GNPTAB: variants seen among roughly 807,000 people sequenced by gnomAD.
GNPTAB encodes N-acetylglucosamine-1-phosphotransferase subunits alpha/beta.
Under a neutral mutation model 136.6 loss-of-function variants are expected in GNPTAB, and 92 were observed. The observed-to-expected ratio is 0.67, with a 90% CI of 0.57 to 0.80. The LOEUF (loss-of-function observed/expected upper bound fraction) is 0.80, where lower values mean the gene tolerates loss of function less well. Among genes scored for constraint, GNPTAB ranks in the 30% least tolerant of loss-of-function variants. The pLI, the probability that GNPTAB is intolerant of heterozygous loss-of-function variation, is 0.00. For synonymous variants in GNPTAB, 512 were observed against 535.1 expected (o/e 0.96, Z 0.60); for missense variants, 1,343 against 1,501.8 (o/e 0.89, Z 1.75).
chr12:101,768,257 T>C, intron 10 of GNPTAB, 97 bp from the exon 11 acceptor site: 2 of 1,386,260 alleles, frequency 1.4e-6, no homozygotes, highest in South Asian at 1.2e-5. Flanking sequence ...ATTAAGTCTC[T>C]AGAAAGATTA....
intron 1 of GNPTAB, among the ~76,000 whole-genome samples, chr12:101,814,376 T>C (rs150029854): frequency 6.6e-6 from 1 of 152,128 alleles, no homozygotes; most frequent in South Asian, 2.1e-4. Flanking sequence ...ATCTACTGTA[T>C]TAAAATTAAA....
chr12:101,773,303 C>A, intron 7 of GNPTAB: 2 of 238,628 alleles, frequency 8.4e-6, no homozygotes, highest in South Asian at 9.4e-5. Context: ...TGGTACTTCA[C>A]CCCCCATGCT....
rs766504531 is a variant in GNPTAB at position 101,770,101 on chromosome 12, A to G, written c.1204T>C (p.Phe402Leu). The G allele has an allele frequency of 6.2e-7, 1 of 1,614,090 alleles. No individual in the cohort carries two copies. Among genetic ancestry groups the G allele is most frequent in the South Asian group, 1.1e-5 (1 of 91,084 alleles). Residue 402 changes from phenylalanine to leucine, a missense_variant, in exon 10 of 21, where the codon TTT (phenylalanine) becomes CTT (leucine). Phe to Leu is a conservative substitution (Grantham distance 22). Transcript: ENST00000299314. Reference protein sequence around the residue: ...IHRIEGLSQKFIYLNDDVMFG... With the variant: ...IHRIEGLSQKLIYLNDDVMFG... ...ATGACATCATCATTTAGGTAAATAA[A>G]CTTCTGGGACAGCCCTTCGATGCGA...
At chr12:101,781,248 G>T (rs1420412356) in intron 5 of GNPTAB, among the ~76,000 whole-genome samples, 1 of 152,170 alleles carries the variant, frequency 6.6e-6, no homozygotes, top group Non-Finnish European at 1.5e-5. Context: ...GACATTCAGG[G>T]ATTGTGGAAA....
At chr12:101,761,466 A>T in intron 14 of GNPTAB, 98 bp downstream of exon 14, 1 of 1,429,544 alleles carries the variant, frequency 7.0e-7, no homozygotes, top group South Asian at 1.1e-5. Context: ...ATTAGTCATC[A>T]AATATTAGAG....
At chr12:101,756,471 G>T in intron 18 of GNPTAB, 1 of 397,236 alleles carries the variant, frequency 2.5e-6, no homozygotes, top group Non-Finnish European at 4.9e-6. Context: ...CTAGTCAGGA[G>T]GCTGAGGTGG....
chr12:101,777,814 C>T (rs991811487), intron 7 of GNPTAB, among the ~76,000 whole-genome samples: 2 of 152,178 alleles, frequency 1.3e-5, no homozygotes, highest in African/African-American at 2.4e-5. Flanking sequence ...GCTGACACTG[C>T]GTCTGTTCTT....
intron 19 of GNPTAB, among the ~76,000 whole-genome samples, chr12:101,749,830 G>C (rs73392457): frequency 0.011 from 1,712 of 152,318 alleles, 42 homozygotes; most frequent in African/African-American, 0.039. Flanking sequence ...GCGGCAGCAT[G>C]GGGGGAACTA....
chr12:101,796,732 G>A lies in GNPTAB; in HGVS notation c.148C>T (p.His50Tyr), dbSNP rs1869315769. 6.2e-7 allele frequency: 1 copy of A among 1,612,838 alleles called. No homozygotes were observed. The highest frequency in any genetic ancestry group is 8.5e-7 in the Non-Finnish European group (1 of 1,179,136). ...VVLEWSRDQY[H>Y]VLFDSYRDNI... ...TCTCTATAGGAATCAAACAAAACATGGTATTGATCTCGGCTCCATTCCAGA... is the reference window on the plus strand; with the variant it reads ...TCTCTATAGGAATCAAACAAAACATAGTATTGATCTCGGCTCCATTCCAGA... Residue 50 changes from histidine (H) to tyrosine (Y), a missense_variant, in exon 2 of 21, where the codon CAT (histidine) becomes TAT (tyrosine). Coordinates refer to ENST00000299314, the MANE Select transcript of GNPTAB (RefSeq NM_024312.5).
At chr12:101,808,826 T>C (rs1195188135) in intron 1 of GNPTAB, among the ~76,000 whole-genome samples, 1 of 152,146 alleles carries the variant, frequency 6.6e-6, no homozygotes, top group Non-Finnish European at 1.5e-5. Flanking sequence ...TGCATGCCTG[T>C]AATCCCAGCT....
chr12:101,751,875 C>T (rs549903183), intron 19 of GNPTAB, among the ~76,000 whole-genome samples: 2 of 152,128 alleles, frequency 1.3e-5, no homozygotes, highest in Non-Finnish European at 2.9e-5. Context: ...CGCGGGCTCC[C>T]CCATTCAGGA....
chr12:101,785,185 T>C (rs966037691), intron 5 of GNPTAB, among the ~76,000 whole-genome samples: 3 of 152,176 alleles, frequency 2.0e-5, no homozygotes, highest in Non-Finnish European at 4.4e-5. Context: ...TAACGTCACA[T>C]GGTGGAGAGC....
rs1566091095 is a variant in GNPTAB at position 101,797,873 on chromosome 12, T to C, written c.118-1111A>G. The stretch of plus-strand genomic sequence containing the variant: ...CACCTTGCAGACATCCAATCTCTAT[T>C]TGCTCTGGATCTCATCAACTTGTGT... On this transcript the variant is annotated intron_variant, in intron 1 of 20. Coordinates refer to ENST00000299314, the MANE Select transcript of GNPTAB (RefSeq NM_024312.5). Among the ~76,000 whole-genome samples the C allele has an allele frequency of 2.6e-5, 4 of 152,270 alleles. 1 individual carries two copies. The Middle Eastern group carries it at 0.01, about 388-fold the overall frequency.
At chr12:101,812,204 A>G (rs1254229197) in intron 1 of GNPTAB, among the ~76,000 whole-genome samples, 1 of 152,072 alleles carries the variant, frequency 6.6e-6, no homozygotes, top group East Asian at 2.0e-4. Context: ...ATCTGACATT[A>G]CACCATTGCC....
chr12:101,769,735 C>G (rs11111014), intron 10 of GNPTAB, among the ~76,000 whole-genome samples: 1 of 151,832 alleles, frequency 6.6e-6, no homozygotes, highest in Non-Finnish European at 1.5e-5. Context: ...CTACTCCCCC[C>G]ACGGCCCCCC....
intron 1 of GNPTAB, among the ~76,000 whole-genome samples, chr12:101,801,902 T>C (rs558630082): frequency 1.3e-3 from 190 of 151,628 alleles, no homozygotes; most frequent in African/African-American, 4.4e-3. Context: ...AAATTTTTTT[T>C]AATTAGCCAG....
chr12:101,778,951 A>T (rs753692641), intron 7 of GNPTAB: 1 of 152,140 alleles, frequency 6.6e-6, no homozygotes, highest in African/African-American at 2.4e-5. Flanking sequence ...TAAAAAATTC[A>T]TAAGTGGTTA....
intron 1 of GNPTAB, 57 bp from the exon 2 acceptor site, chr12:101,796,819 TTCATTTCA>T: frequency 2.7e-6 from 3 of 1,116,778 alleles, no homozygotes; most frequent in Non-Finnish European, 4.0e-6. Context: ...GTATATAACT[TTCATTTCA>T]TTTTAATTTC....
At chr12:101,749,319 TA>T in intron 19 of GNPTAB, 128 bp from the exon 20 acceptor site, 2 of 711,364 alleles carry the variant, frequency 2.8e-6, no homozygotes, top group South Asian at 3.1e-5. Flanking sequence ...CTTGCAATTC[TA>T]AAATGCTCAC....
Sources: allele counts gnomAD v4.1 joint callset (sites outside exome capture counted in the v4.1 genomes callset), GRCh38; gene constraint gnomAD v4.1.1; transcripts MANE v1.5; gene names NCBI Gene and HGNC (gene_info 2026-07-23, HGNC 2026-07-21).